The following TRDMT1 variants were observed in gnomAD, a reference collection of about 807,000 sequenced individuals.
TRDMT1 encodes tRNA aspartic acid methyltransferase 1, also known as tRNA (cytosine(38)-C(5))-methyltransferase.
Under a neutral mutation model 51.2 loss-of-function variants are expected in TRDMT1, and 49 were observed. The observed-to-expected ratio is 0.96, with a 90% CI of 0.76 to 1.21. TRDMT1 has a LOEUF of 1.21. Ranked by LOEUF, TRDMT1 falls within the 50% of genes most tolerant of loss-of-function variation. TRDMT1 has a pLI of 0.00. For missense variants in TRDMT1, 534 were observed against 462.3 expected, an observed-to-expected ratio of 1.16 and a Z score of -1.42; for synonymous variants, 187 against 164.6, an observed-to-expected ratio of 1.14 and a Z score of -1.04.
chr10:17,162,486 C>G (rs1315714093), intron 3 of TRDMT1, among the ~76,000 whole-genome samples: 1 of 152,152 alleles, frequency 6.6e-6, no homozygotes, highest in African/African-American at 2.4e-5. Context: ...GCAGGTGGAT[C>G]ACGTGAGGCC....
At chr10:17,179,687 A>C (rs574187427) in intron 1 of TRDMT1, among the ~76,000 whole-genome samples, 24 of 151,392 alleles carry the variant, frequency 1.6e-4, no homozygotes, top group African/African-American at 5.6e-4. Context: ...TTTTTGAAAG[A>C]GTTTCAAGTA....
At position 17,146,814 on chromosome 10, in the gene TRDMT1, A is replaced by G. The variant is rs897400035; in HGVS notation, c.*2226T>C. The G allele has an allele frequency of 2.8e-5, 28 of 985,406 alleles. No individual in the cohort carries two copies. Among genetic ancestry groups the G allele is most frequent in the Non-Finnish European group, 3.4e-5 (28 of 829,878 alleles). 61.0% of individuals were successfully genotyped at this position (985,406 alleles called of 1,614,324 possible). On this transcript the variant is annotated 3_prime_UTR_variant, in exon 11 of 11. Transcript: ENST00000377799. ...AAGCATATAGCAGACATTCCATAAAATAACATTTTCCAAATTAATTATGCA... is the reference window on the plus strand; with the variant it reads ...AAGCATATAGCAGACATTCCATAAAGTAACATTTTCCAAATTAATTATGCA...
At position 17,174,635 on chromosome 10, in the gene TRDMT1, C is replaced by T. The variant is rs116026632; in HGVS notation, c.90G>A (p.Val30=). ...CGACAGTGTTGACATCAATGGCAGC[C>T]ACCACTTGTGCAGGTATACAGCTTT... ...LRESCIPAQV[V]AAIDVNTVAN... is the part of the protein sequence containing the mutation. Residue 30 remains valine, a synonymous_variant, in exon 2 of 11, where the codon GTG becomes GTA. Coordinates refer to ENST00000377799, the MANE Select transcript of TRDMT1 (RefSeq NM_004412.7). 2.0e-3 allele frequency: 3,200 copies of T among 1,613,902 alleles called. 52 individuals are homozygous for T. In the African/African-American group the frequency reaches 0.034, roughly 17 times the overall value.
rs1311113708 is a variant in TRDMT1, at chr10:17,143,401, A to C, written c.*5639T>G. 1.0e-6 allele frequency: 1 copy of C among 985,432 alleles called. No homozygotes were observed. The highest frequency in any genetic ancestry group is 1.7e-5 in the African/African-American group (1 of 57,358). The allele number at this position is 985,432 out of a possible 1,614,324, so 61.0% of individuals were successfully genotyped here. A position where few individuals can be genotyped will look rare whatever the true frequency, so the allele number is the denominator to read the frequency against. On this transcript the variant is annotated 3_prime_UTR_variant, in exon 11 of 11. Transcript: ENST00000377799. ...GTAACAGCTATTCAGCTTATTGTCT[A>C]CTCATTCATAGGATCAGCTCTTAAA... is the stretch of plus-strand genomic sequence containing the variant.
rs1843157363 is a variant in TRDMT1 at position 17,180,544 on chromosome 10, A to AG, written c.65-5885_65-5884insC. ...AAAAGAGCGGAACTCTGTCTCAAAA[A>AG]AAAAAAAAAAAAACTCTCTTTCCAT... is the stretch of plus-strand genomic sequence containing the variant. On this transcript the variant is annotated intron_variant, in intron 1 of 10. Coordinates refer to ENST00000377799, the MANE Select transcript of TRDMT1 (RefSeq NM_004412.7). 5.5e-5 allele frequency among the ~76,000 whole-genome samples: 7 copies of AG among 127,202 alleles called. No homozygotes were observed. The South Asian group carries it at 2.0e-3, about 36-fold the overall frequency. The allele number at this position is 127,202 out of a possible 152,430, so 83.4% of individuals were successfully genotyped here. A position where few individuals can be genotyped will look rare whatever the true frequency, so the allele number is the denominator to read the frequency against.
rs758336473 is a variant in TRDMT1, at chr10:17,140,037, CTTTTTTT to C, written c.*8996_*9002del. Among the ~76,000 whole-genome samples the C allele has an allele frequency of 7.3e-4, 16 of 21,914 alleles. No homozygotes were observed. Among genetic ancestry groups the C allele is most frequent in the African/African-American group, 2.4e-3 (13 of 5,350 alleles). 14.4% of individuals were successfully genotyped at this position (21,914 alleles called of 152,430 possible). A position where few individuals can be genotyped will look rare whatever the true frequency, so the allele number is the denominator to read the frequency against. ...TATTCTTCCAGTAACATCTAGTGTG[CTTTTTTT>C]TTTTTTTTTTTTTTTTTTTGAGACA... On this transcript the variant is annotated 3_prime_UTR_variant, in exon 11 of 11. Transcript: ENST00000377799.
chr10:17,159,253 G>A, intron 6 of TRDMT1, 24 bp from the exon 7 acceptor site: 4 of 1,549,262 alleles, frequency 2.6e-6, no homozygotes, highest in Non-Finnish European at 3.5e-6. Flanking sequence ...AAAGCAGTTA[G>A]TTACTCTAAA....
At chr10:17,184,965 C>G (rs1013344751) in intron 1 of TRDMT1, among the ~76,000 whole-genome samples, 3 of 152,104 alleles carry the variant, frequency 2.0e-5, no homozygotes, top group Non-Finnish European at 4.4e-5. Context: ...TGCTAGAATT[C>G]TGCATTTAAA....
At chr10:17,173,818 G>C (rs1842331229) in intron 2 of TRDMT1, among the ~76,000 whole-genome samples, 1 of 145,100 alleles carries the variant, frequency 6.9e-6, no homozygotes, top group South Asian at 2.2e-4. Context: ...AGGCTGGAGT[G>C]CAGTGGCGCG....
rs943780551 is a variant in TRDMT1, at chr10:17,151,865, A to G, written c.1075+1642T>C. 4.9e-6 allele frequency: 5 copies of G among 1,030,438 alleles called. No individual in the cohort carries two copies. In the African/African-American group the frequency reaches 8.4e-5, roughly 17 times the overall value. 63.8% of individuals were successfully genotyped at this position (1,030,438 alleles called of 1,614,324 possible). A position where few individuals can be genotyped will look rare whatever the true frequency, so the allele number is the denominator to read the frequency against. On this transcript the variant is annotated intron_variant, in intron 10 of 10. Coordinates refer to ENST00000377799, the MANE Select transcript of TRDMT1 (RefSeq NM_004412.7). ...ACAATAACTCTATGAAGCAGGAGTT[A>G]TGATCATCCTCATTTTACAGAGAAG...
At chr10:17,196,637 A>C (rs1845484142) in intron 1 of TRDMT1, among the ~76,000 whole-genome samples, 1 of 152,244 alleles carries the variant, frequency 6.6e-6, no homozygotes. Flanking sequence ...TGTATTTAAA[A>C]ATGTAATAGA....
intron 1 of TRDMT1, among the ~76,000 whole-genome samples, chr10:17,177,794 T>C (rs547429598): frequency 3.8e-4 from 57 of 151,956 alleles, no homozygotes; most frequent in Non-Finnish European, 6.5e-4. Flanking sequence ...TGATTCTTCT[T>C]TCTGGAAACG....
intron 1 of TRDMT1, chr10:17,201,185 C>G (rs1846105413): frequency 5.2e-6 from 1 of 191,972 alleles, no homozygotes; most frequent in Non-Finnish European, 1.1e-5. Flanking sequence ...AGCTGGGAAG[C>G]CCCCCAGGAT....
chr10:17,183,827 G>A (rs10904896), intron 1 of TRDMT1, among the ~76,000 whole-genome samples: 63,542 of 151,976 alleles, frequency 0.42, 15,275 homozygotes, highest in South Asian at 0.57. Flanking sequence ...ACAACAAAAG[G>A]AAAGTAACAA....
chr10:17,160,286 T>G lies in TRDMT1; in HGVS notation c.459+19A>C. 6.9e-7 allele frequency: 1 copy of G among 1,450,232 alleles called. No individual in the cohort carries two copies. Among genetic ancestry groups the G allele is most frequent in the Non-Finnish European group, 9.2e-7 (1 of 1,090,842 alleles). 89.8% of individuals were successfully genotyped at this position (1,450,232 alleles called of 1,614,324 possible). ...TTTAAATTATAATTTATATAAGCATTTATAACTGTGATACCTACAGAGGTT... is the reference window on the plus strand; with the variant it reads ...TTTAAATTATAATTTATATAAGCATGTATAACTGTGATACCTACAGAGGTT... On this transcript the variant is annotated intron_variant, in intron 6 of 10. Transcript: ENST00000377799.
rs1837513166 is a variant in TRDMT1 at position 17,139,217 on chromosome 10, T to C, written c.*9823A>G. On this transcript the variant is annotated 3_prime_UTR_variant, in exon 11 of 11. Coordinates refer to ENST00000377799, the MANE Select transcript of TRDMT1 (RefSeq NM_004412.7). ...CCAAATCAACCTAAAAAGGACAAAATGAGTTTTCTACTTGGTGACCCCTAA... is the reference window on the plus strand; with the variant it reads ...CCAAATCAACCTAAAAAGGACAAAACGAGTTTTCTACTTGGTGACCCCTAA... 3.0e-6 allele frequency: 3 copies of C among 985,080 alleles called. No homozygotes were observed. Among genetic ancestry groups the C allele is most frequent in the Non-Finnish European group, 2.4e-6 (2 of 829,850 alleles). The allele number at this position is 985,080 out of a possible 1,614,324, so 61.0% of individuals were successfully genotyped here. A position where few individuals can be genotyped will look rare whatever the true frequency, so the allele number is the denominator to read the frequency against.
At position 17,140,374 on chromosome 10, in the gene TRDMT1, C is replaced by A. The variant is rs11254393; in HGVS notation, c.*8666G>T. Among the ~76,000 whole-genome samples, 20,761 of 151,816 alleles carry A rather than the reference C, an allele frequency of 0.14. 1,520 individuals carry two copies. The highest frequency in any genetic ancestry group is 0.17 in the Admixed American group (2,604 of 15,240). On this transcript the variant is annotated 3_prime_UTR_variant, in exon 11 of 11. Coordinates refer to ENST00000377799, the MANE Select transcript of TRDMT1 (RefSeq NM_004412.7). ...CAGCACTTCTTTTCTTTTTGGCTGA[C>A]AGAATTATTCAAACAATCCCCCAAG...
At chr10:17,190,433 C>CA (rs36012341) in intron 1 of TRDMT1, among the ~76,000 whole-genome samples, 4,644 of 128,000 alleles carry the variant, frequency 0.036, 215 homozygotes, top group African/African-American at 0.13. Context: ...AATAAAAGAG[C>CA]AAAAAAAAAA....
chr10:17,157,755 A>G lies in TRDMT1; in HGVS notation c.573T>C (p.Ser191=), dbSNP rs1361749884. Residue 191 remains serine, a synonymous_variant, in exon 8 of 11, where the codon TCT becomes TCC. Transcript: ENST00000377799. ...QVLMEFPKIE[S]VHPQKYAMDV... ...CCATTGCATATTTTTGTGGATGTAC[A>G]GATTCAATTTTGGGGAACTCCATCA... 1 of 1,600,132 alleles carries G rather than the reference A, an allele frequency of 6.2e-7. No homozygotes were observed. Among genetic ancestry groups the G allele is most frequent in the Non-Finnish European group, 8.5e-7 (1 of 1,174,310 alleles).
Sources: gnomAD v4.1 joint callset for allele counts (sites outside exome capture counted in the v4.1 genomes callset) on GRCh38, gnomAD v4.1.1 for gene constraint, MANE v1.5 for transcripts, NCBI Gene and HGNC (gene_info 2026-07-23, HGNC 2026-07-21) for gene names.